Variants in ATG5 observed in about 807,000 individuals in gnomAD.
The protein encoded by ATG5 is autophagy protein 5.
In ATG5, 14 loss-of-function variants were observed where a neutral mutation model predicts 36.5. The ratio of observed to expected loss-of-function variants is 0.38; its 90% CI spans 0.25 to 0.60. The LOEUF is 0.60. Among genes scored for constraint, ATG5 ranks in the 20% least tolerant of loss-of-function variants. The pLI, the probability that ATG5 is intolerant of heterozygous loss-of-function variation, is 0.60. For missense variants in ATG5, 195 were observed against 326.7 expected, an observed-to-expected ratio of 0.60 and a Z score of 3.11; for synonymous variants, 95 against 101.5, an observed-to-expected ratio of 0.94 and a Z score of 0.38.
chr6:106,272,914 TCACA>T (rs1562249056), intron 5 of ATG5, among the ~76,000 whole-genome samples: 1 of 152,076 alleles, frequency 6.6e-6, no homozygotes, highest in East Asian at 1.9e-4. Flanking sequence ...TTCCAAAAAC[TCACA>T]CAGACAAGGA....
At chr6:106,234,691 G>A (rs1582588247) in intron 6 of ATG5, among the ~76,000 whole-genome samples, 1 of 152,150 alleles carries the variant, frequency 6.6e-6, no homozygotes, top group East Asian at 1.9e-4. Flanking sequence ...ATACAATTAT[G>A]TTGTACCTAA....
chr6:106,256,061 A>C, intron 5 of ATG5, among the ~76,000 whole-genome samples: 1 of 152,212 alleles, frequency 6.6e-6, no homozygotes, highest in East Asian at 1.9e-4. Flanking sequence ...TCAGAAAGCA[A>C]GCCAAAGTCA....
chr6:106,220,055 A>G (rs772345501), intron 6 of ATG5, among the ~76,000 whole-genome samples: 1 of 152,182 alleles, frequency 6.6e-6, no homozygotes, highest in African/African-American at 2.4e-5. Flanking sequence ...TGAGAAGTAC[A>G]TACTGTTGAA....
At position 106,308,410 on chromosome 6, in the gene ATG5, C is replaced by G. The variant is rs1770530459; in HGVS notation, c.190G>C (p.Asp64His). The part of the protein sequence containing the change: ...KHFQKVMRQE[D>H]ISEIWFEYEG... Reference sequence around the variant, plus strand: ...TATTCAAACCATATCTCACTAATGTCTTCTTGTCTCATAACCTTCTGAAAG... The same window carrying G: ...TATTCAAACCATATCTCACTAATGTGTTCTTGTCTCATAACCTTCTGAAAG... Residue 64 changes from aspartate to histidine, a missense_variant, in exon 3 of 8, where the codon GAC becomes CAC. Transcript: ENST00000369076. The G allele has an allele frequency of 6.3e-7, 1 of 1,598,672 alleles. No homozygotes were observed. The highest frequency in any genetic ancestry group is 1.3e-5 in the African/African-American group (1 of 74,074).
At chr6:106,278,120 T>C (rs902252710) in intron 5 of ATG5, among the ~76,000 whole-genome samples, 11 of 152,092 alleles carry the variant, frequency 7.2e-5, no homozygotes, top group African/African-American at 2.4e-4. Context: ...TTAGATTTTT[T>C]TGCAGTGATG....
At chr6:106,271,935 T>C (rs1779470211) in intron 5 of ATG5, among the ~76,000 whole-genome samples, 2 of 152,228 alleles carry the variant, frequency 1.3e-5, no homozygotes, top group African/African-American at 4.8e-5. Flanking sequence ...TGCTGTTCCC[T>C]CTGCCTAGGA....
At chr6:106,203,222 A>T (rs941766532) in intron 6 of ATG5, among the ~76,000 whole-genome samples, 5 of 152,204 alleles carry the variant, frequency 3.3e-5, no homozygotes, top group Non-Finnish European at 7.3e-5. Context: ...ATTGCTAATA[A>T]TCTCATTGTT....
intron 6 of ATG5, among the ~76,000 whole-genome samples, chr6:106,220,837 A>C (rs1175496399): frequency 6.6e-6 from 1 of 152,212 alleles, no homozygotes; most frequent in Non-Finnish European, 1.5e-5. Context: ...TTACACCATG[A>C]AATTGTCAGC....
At chr6:106,282,849 C>T (rs1779933252) in intron 4 of ATG5, among the ~76,000 whole-genome samples, 1 of 150,990 alleles carries the variant, frequency 6.6e-6, no homozygotes, top group African/African-American at 2.4e-5. Context: ...CACAGTGGCA[C>T]AATCACACCT....
intron 3 of ATG5, among the ~76,000 whole-genome samples, chr6:106,303,790 C>A (rs1167396764): frequency 6.6e-6 from 1 of 151,906 alleles, no homozygotes; most frequent in East Asian, 1.9e-4. Context: ...TAGCAACCAG[C>A]TAAGGAAGAA....
chr6:106,196,194 T>C (rs938226528), intron 7 of ATG5, among the ~76,000 whole-genome samples: 2 of 152,124 alleles, frequency 1.3e-5, no homozygotes, highest in Non-Finnish European at 2.9e-5. Flanking sequence ...TCAGAAATAT[T>C]ATTAAGAGAG....
intron 5 of ATG5, among the ~76,000 whole-genome samples, chr6:106,257,390 G>T (rs533432816): frequency 1.3e-3 from 197 of 152,276 alleles, no homozygotes; most frequent in African/African-American, 4.4e-3. Flanking sequence ...CAGCACATTT[G>T]TTTATGACAG....
intron 3 of ATG5, among the ~76,000 whole-genome samples, chr6:106,293,942 A>C (rs993385239): frequency 5.4e-5 from 8 of 148,708 alleles, no homozygotes; most frequent in Admixed American, 1.3e-4. Flanking sequence ...AATGCTTGGG[A>C]TTAGAGAAGT....
chr6:106,296,273 A>G (rs1238074929), intron 3 of ATG5, among the ~76,000 whole-genome samples: 1 of 151,802 alleles, frequency 6.6e-6, no homozygotes, highest in Non-Finnish European at 1.5e-5. Flanking sequence ...GCTACTGGAC[A>G]CTTTTATAAA....
chr6:106,323,181 C>T (rs558370829), intron 1 of ATG5, among the ~76,000 whole-genome samples: 1 of 151,948 alleles, frequency 6.6e-6, no homozygotes, highest in Non-Finnish European at 1.5e-5. Context: ...TCGTGATCCG[C>T]CCGCCTTGGC....
intron 6 of ATG5, among the ~76,000 whole-genome samples, chr6:106,234,893 C>T (rs970621589): frequency 3.9e-5 from 6 of 152,206 alleles, no homozygotes; most frequent in Admixed American, 6.5e-5. Context: ...AACTTCCTAG[C>T]ATCAGTAGTC....
intron 1 of ATG5, among the ~76,000 whole-genome samples, chr6:106,316,865 C>T (rs950577700): frequency 3.3e-5 from 5 of 152,124 alleles, no homozygotes; most frequent in African/African-American, 1.2e-4. Flanking sequence ...CTTTTGTAAA[C>T]CCTCTACCAA....
At chr6:106,258,771 CTATT>C (rs1778898343) in intron 5 of ATG5, among the ~76,000 whole-genome samples, 1 of 152,142 alleles carries the variant, frequency 6.6e-6, no homozygotes, top group African/African-American at 2.4e-5. Context: ...ATCTGGGAAA[CTATT>C]AATGAATGGC....
chr6:106,251,580 A>T (rs1382482711), intron 5 of ATG5, among the ~76,000 whole-genome samples: 1 of 127,820 alleles, frequency 7.8e-6, no homozygotes, highest in Non-Finnish European at 1.6e-5. Context: ...TAGAAACGCT[A>T]TATTCTTATA....
Sources: allele counts gnomAD v4.1 joint callset (sites outside exome capture counted in the v4.1 genomes callset), GRCh38; gene constraint gnomAD v4.1.1; transcripts MANE v1.5; gene names NCBI Gene and HGNC (gene_info 2026-07-23, HGNC 2026-07-21).